The following FAM227A variants were observed in gnomAD, a reference collection of about 807,000 sequenced individuals.
FAM227A encodes family with sequence similarity 227 member A.
Under a neutral mutation model 74.7 loss-of-function variants are expected in FAM227A, and 80 were observed. The observed-to-expected ratio is 1.07, with a 90% confidence interval of 0.89 to 1.29. FAM227A has a LOEUF of 1.29. Among genes scored for constraint, FAM227A ranks in the 50% most tolerant of loss-of-function variants. FAM227A has a pLI of 0.00. For missense variants in FAM227A, 654 were observed against 683.4 expected, an observed-to-expected ratio of 0.96 and a Z score of 0.48; for synonymous variants, 237 against 241.8, an observed-to-expected ratio of 0.98 and a Z score of 0.19.
intron 16 of FAM227A, among the ~76,000 whole-genome samples, chr22:38,591,142 T>C (rs758820708): frequency 1.3e-5 from 2 of 151,924 alleles, no homozygotes; most frequent in Non-Finnish European, 2.9e-5. Flanking sequence ...CTGGGCAACA[T>C]AGTGATACCC....
At chr22:38,646,781 G>A (rs1320964156) in intron 2 of FAM227A, among the ~76,000 whole-genome samples, 1 of 151,872 alleles carries the variant, frequency 6.6e-6, no homozygotes, top group Non-Finnish European at 1.5e-5. Flanking sequence ...ACTAATCCAT[G>A]TAGAAGATAC....
chr22:38,634,212 ACT>A (rs1207237421), intron 6 of FAM227A, among the ~76,000 whole-genome samples: 1 of 123,460 alleles, frequency 8.1e-6, no homozygotes, highest in South Asian at 2.7e-4. Flanking sequence ...ACAGAGCAAG[ACT>A]CTGTCTCAAA....
chr22:38,615,913 GA>G (rs1245267445), intron 11 of FAM227A, among the ~76,000 whole-genome samples: 59 of 152,148 alleles, frequency 3.9e-4, no homozygotes, highest in African/African-American at 1.4e-3. Flanking sequence ...TCCTCACCTG[GA>G]TTGAGGTTCC....
chr22:38,625,943 CAAAA>C (rs141715277), intron 9 of FAM227A, among the ~76,000 whole-genome samples: 2 of 71,530 alleles, frequency 2.8e-5, no homozygotes, highest in South Asian at 4.6e-4. Flanking sequence ...ACTCTATCTC[CAAAA>C]AAAAAAAAAA....
At chr22:38,654,650 G>A (rs1436671957) in intron 1 of FAM227A, among the ~76,000 whole-genome samples, 1 of 151,238 alleles carries the variant, frequency 6.6e-6, no homozygotes, top group Admixed American at 6.6e-5. Flanking sequence ...TAAACAAAAG[G>A]CTGGGCGCGG....
At chr22:38,623,674 T>C (rs150661814) in intron 9 of FAM227A, among the ~76,000 whole-genome samples, 75 of 152,290 alleles carry the variant, frequency 4.9e-4, no homozygotes, top group African/African-American at 1.7e-3. Flanking sequence ...CTGACATGCT[T>C]TGCAAATGTG....
At position 38,624,112 on chromosome 22, in the gene FAM227A, G is replaced by A. The variant is rs1335928814; in HGVS notation, c.851-833C>T. On this transcript the variant is annotated intron_variant, in intron 9 of 16. Coordinates refer to ENST00000535113, the MANE Select transcript of FAM227A (RefSeq NM_001013647.2). ...AAAGACCCAGCTTTGGAGTGGCACA[G>A]CCCTGGAATCAACACTTGTTCAGTG... 2.0e-5 allele frequency among the ~76,000 whole-genome samples: 3 copies of A among 152,146 alleles called. No homozygotes were observed. The East Asian group carries it at 5.8e-4, about 29-fold the overall frequency.
chr22:38,644,276 A>G (rs1308244649), intron 3 of FAM227A, among the ~76,000 whole-genome samples: 8 of 151,792 alleles, frequency 5.3e-5, no homozygotes, highest in African/African-American at 1.7e-4. Context: ...AAAACTGGGG[A>G]GAGTAAAAAC....
Position 38,639,694 on chromosome 22 carries a change from C to T in FAM227A, c.256G>A (p.Ala86Thr). The change falls in exon 4 of 17, where the codon GCT becomes ACT. Residue 86 changes from alanine to threonine, a missense_variant. Ala to Thr is a moderately conservative substitution (Grantham distance 58). Transcript: ENST00000535113. ...AIERFELEKKALREKTRSSPE... is the reference protein window; with the variant it reads ...AIERFELEKKTLREKTRSSPE... ...CTGCTGCGAGTTTTCTCTCTTAAAG[C>T]CTTCTTCTCCAACTCAAATCTCTCA... The T allele has an allele frequency of 6.4e-7, 1 of 1,551,862 alleles. No homozygotes were observed. The highest frequency in any genetic ancestry group is 8.7e-7 in the Non-Finnish European group (1 of 1,146,964).
intron 7 of FAM227A, 135 bp downstream of exon 7, chr22:38,628,699 G>A (rs2091858353): frequency 4.4e-6 from 3 of 678,896 alleles, no homozygotes; most frequent in South Asian, 3.4e-5. Context: ...GGACGGGAGG[G>A]GACTGGGTGA....
Position 38,582,580 on chromosome 22 carries a change from C to T in FAM227A, c.*3545G>A. 1 of 796,370 alleles carries T rather than the reference C, an allele frequency of 1.3e-6. No homozygotes were observed. Among genetic ancestry groups the T allele is most frequent in the African/African-American group, 1.7e-5 (1 of 57,652 alleles). 49.3% of individuals were successfully genotyped at this position (796,370 alleles called of 1,614,324 possible). A position where few individuals can be genotyped will look rare whatever the true frequency, so the allele number is the denominator to read the frequency against. ...GTTTACAAAGGGCAGAGACAGGTTT[C>T]TTCATATTTAACATCCTGAGAGGCT... On this transcript the variant is annotated 3_prime_UTR_variant, in exon 17 of 17. Transcript: ENST00000535113.
intron 11 of FAM227A, among the ~76,000 whole-genome samples, chr22:38,609,021 A>G (rs5757172): frequency 0.44 from 66,968 of 151,412 alleles, 15,598 homozygotes; most frequent in African/African-American, 0.6. Flanking sequence ...TTGAACTCCC[A>G]ACCTCAGGTG....
At chr22:38,616,164 A>G (rs2091570963) in intron 11 of FAM227A, among the ~76,000 whole-genome samples, 1 of 152,184 alleles carries the variant, frequency 6.6e-6, no homozygotes, top group Non-Finnish European at 1.5e-5. Context: ...GAAGGAAAAC[A>G]CTGTCAAAAG....
At chr22:38,626,891 A>AAAAAAAAAAAAAT (rs1555966996) in intron 8 of FAM227A, among the ~76,000 whole-genome samples, 2 of 57,688 alleles carry the variant, frequency 3.5e-5, no homozygotes, top group African/African-American at 8.8e-5. Flanking sequence ...AAAAAAAAAA[A>AAAAAAAAAAAAAT]ATATATATAT....
At chr22:38,594,335 C>T (rs1376508408) in intron 15 of FAM227A, among the ~76,000 whole-genome samples, 1 of 152,154 alleles carries the variant, frequency 6.6e-6, no homozygotes, top group Non-Finnish European at 1.5e-5. Context: ...ATATTCTGTC[C>T]TCCCTGACTT....
chr22:38,603,785 C>A (rs1344979156), intron 13 of FAM227A, among the ~76,000 whole-genome samples: 1 of 152,120 alleles, frequency 6.6e-6, no homozygotes, highest in Non-Finnish European at 1.5e-5. Flanking sequence ...ATAACAAATG[C>A]TTAAGCCAAT....
Position 38,650,037 on chromosome 22 carries a change from G to A in FAM227A, c.132C>T (p.Asn44=). The A allele has an allele frequency of 1.9e-6, 3 of 1,552,240 alleles. No individual in the cohort carries two copies. Among genetic ancestry groups the A allele is most frequent in the South Asian group, 1.2e-5 (1 of 84,058 alleles). Residue 44 remains asparagine (N), a synonymous_variant, in exon 2 of 17, where the codon AAC becomes AAT. Transcript: ENST00000535113. The stretch of plus-strand genomic sequence containing the variant: ...TCACCAGAAGGATACAGGGTGGATT[G>A]TTCTCTAACTCCTTCCTCACAGTCT... ...MVKTVRKELE[N]NPPSCLIGSM...
chr22:38,655,056 C>A (rs1186987571), intron 1 of FAM227A, among the ~76,000 whole-genome samples: 1 of 150,596 alleles, frequency 6.6e-6, no homozygotes, highest in African/African-American at 2.4e-5. Flanking sequence ...AGGAGAATGG[C>A]GTGAACCCAG....
chr22:38,648,222 T>C (rs1351480507), intron 2 of FAM227A, among the ~76,000 whole-genome samples: 1 of 149,362 alleles, frequency 6.7e-6, no homozygotes, highest in African/African-American at 2.5e-5. Flanking sequence ...AAGATGCTGG[T>C]AGAGCCTGGA....
Sources: gnomAD v4.1 joint callset for allele counts (sites outside exome capture counted in the v4.1 genomes callset) on GRCh38, gnomAD v4.1.1 for gene constraint, MANE v1.5 for transcripts, NCBI Gene and HGNC (gene_info 2026-07-23, HGNC 2026-07-21) for gene names.